The following ABCA13 variants were observed in gnomAD, a reference collection of about 807,000 sequenced individuals.
ABCA13 encodes the protein ATP binding cassette subfamily A member 13, also known as ATP-binding cassette sub-family A member 13.
A neutral mutation model predicts 478.7 loss-of-function variants in ABCA13; 476 were observed. The observed-to-expected ratio is 0.99, with a 90% CI of 0.92 to 1.07. ABCA13 has a LOEUF of 1.07. Ranked by LOEUF, ABCA13 falls within the 50% of genes least tolerant of loss-of-function variation. ABCA13 has a pLI of 0.00. For synonymous variants in ABCA13, 2,252 were observed against 2,158.9 expected (o/e 1.04, Z -1.20); for missense variants, 6,060 against 5,910.6 (o/e 1.03, Z -0.83).
intron 29 of ABCA13, among the ~76,000 whole-genome samples, chr7:48,348,165 A>C (rs968596234): frequency 6.6e-6 from 1 of 152,118 alleles, no homozygotes; most frequent in Non-Finnish European, 1.5e-5. Context: ...ACTGCTAGCC[A>C]CCCTCTAATC....
At chr7:48,507,600 G>T (rs187550915) in intron 49 of ABCA13, among the ~76,000 whole-genome samples, 2 of 152,264 alleles carry the variant, frequency 1.3e-5, no homozygotes, top group Admixed American at 6.5e-5. Flanking sequence ...AGGCTCAATG[G>T]TGAAGAGCAG....
At chr7:48,323,788 C>T (rs927646460) in intron 27 of ABCA13, among the ~76,000 whole-genome samples, 1 of 152,140 alleles carries the variant, frequency 6.6e-6, no homozygotes. Flanking sequence ...TTGCCATAAT[C>T]CCCACGTGTC....
intron 8 of ABCA13, among the ~76,000 whole-genome samples, chr7:48,236,346 T>G (rs1789948961): frequency 6.6e-6 from 1 of 152,234 alleles, no homozygotes; most frequent in South Asian, 2.1e-4. Flanking sequence ...TAAATTTTCT[T>G]TATAAATCTA....
Position 48,594,699 on chromosome 7 carries a change from C to G in ABCA13, c.14641-11C>G. 1 of 1,611,930 alleles carries G rather than the reference C, an allele frequency of 6.2e-7. No homozygotes were observed. ...TCAAATGCTGATTACTCTGTGTTGCCTTTCCTTCAGGATGAGCCCAGCTCT... is the reference window on the plus strand; with the variant it reads ...TCAAATGCTGATTACTCTGTGTTGCGTTTCCTTCAGGATGAGCCCAGCTCT... On this transcript the variant is annotated splice_polypyrimidine_tract_variant and intron_variant, in intron 57 of 61. Coordinates refer to ENST00000435803, the MANE Select transcript of ABCA13 (RefSeq NM_152701.5).
chr7:48,643,441 A>AG, intron 60 of ABCA13, 48 bp downstream of exon 60: 1 of 1,425,410 alleles, frequency 7.0e-7, no homozygotes. Context: ...CTAAAAAAAA[A>AG]TAATAAATGT....
intron 59 of ABCA13, among the ~76,000 whole-genome samples, chr7:48,618,670 G>A (rs1170214225): frequency 6.6e-6 from 1 of 152,098 alleles, no homozygotes; most frequent in Non-Finnish European, 1.5e-5. Context: ...AGCAGGCCTA[G>A]GATCTGCTAC....
intron 49 of ABCA13, 118 bp from the exon 50 acceptor site, chr7:48,507,754 G>C: frequency 8.2e-7 from 1 of 1,219,908 alleles, no homozygotes; most frequent in Non-Finnish European, 1.1e-6. Flanking sequence ...AACATGCCTG[G>C]CTGATTATGA....
chr7:48,180,497 T>G (rs1398664342), intron 1 of ABCA13, among the ~76,000 whole-genome samples: 1 of 152,222 alleles, frequency 6.6e-6, no homozygotes, highest in Non-Finnish European at 1.5e-5. Context: ...CTCAGCTTAC[T>G]GCAGCCTCCG....
rs377432396 is a variant in ABCA13 at position 48,314,418 on chromosome 7, G to A, written c.9859+9G>A. The A allele has an allele frequency of 1.1e-4, 172 of 1,556,996 alleles. No individual in the cohort carries two copies. The highest frequency in any genetic ancestry group is 1.4e-4 in the Non-Finnish European group (160 of 1,148,662). ...CATTCCTGAAGATTCAAGTAAGACA[G>A]TAGTAATATATATATATGTGTTTAG... On this transcript the variant is annotated intron_variant, in intron 26 of 61. Transcript: ENST00000435803.
intron 3 of ABCA13, among the ~76,000 whole-genome samples, chr7:48,211,009 A>G (rs1426930532): frequency 6.6e-6 from 1 of 152,144 alleles, no homozygotes. Flanking sequence ...CTTTTTATAT[A>G]TGGATGCTCC....
At chr7:48,371,282 A>G (rs1411932366) in intron 32 of ABCA13, among the ~76,000 whole-genome samples, 1 of 152,046 alleles carries the variant, frequency 6.6e-6, no homozygotes, top group African/African-American at 2.4e-5. Flanking sequence ...TTGGTTCCAT[A>G]TGAATTTTAA....
Position 48,455,047 on chromosome 7 carries a change from A to C in ABCA13, c.12576A>C (p.Leu4192=). 6.6e-7 allele frequency: 1 copy of C among 1,522,286 alleles called. No individual in the cohort carries two copies. Among genetic ancestry groups the C allele is most frequent in the Non-Finnish European group, 8.8e-7 (1 of 1,136,702 alleles). The allele number at this position is 1,522,286 out of a possible 1,614,324, so 94.3% of individuals were successfully genotyped here. A position where few individuals can be genotyped will look rare whatever the true frequency, so the allele number is the denominator to read the frequency against. ...TGHLSGYCGS[L]ARPATVQGVQ... Reference sequence around the variant, plus strand: ...CCGCCCGTCCTGCAGGTGGCTCCCTAGCACGGCCCGCAACTGTGCAGGGCG... The same window carrying C: ...CCGCCCGTCCTGCAGGTGGCTCCCTCGCACGGCCCGCAACTGTGCAGGGCG... Residue 4192 remains leucine, a synonymous_variant, in exon 43 of 62, where the codon CTA becomes CTC. Coordinates refer to ENST00000435803, the MANE Select transcript of ABCA13 (RefSeq NM_152701.5).
Position 48,483,206 on chromosome 7 carries a change from T to C in ABCA13, c.13182+43T>C, listed in dbSNP as rs371091996. ...TTTTTTTCCTGTTTTAGAAAGTATT[T>C]AGGAAAACTCAACATTCAAATATAA... On this transcript the variant is annotated intron_variant, in intron 47 of 61. Transcript: ENST00000435803. The C allele has an allele frequency of 9.3e-5, 140 of 1,511,932 alleles. No individual in the cohort carries two copies. In the African/African-American group the frequency reaches 1.7e-3, roughly 19 times the overall value. 93.7% of individuals were successfully genotyped at this position (1,511,932 alleles called of 1,614,324 possible). A position where few individuals can be genotyped will look rare whatever the true frequency, so the allele number is the denominator to read the frequency against.
At chr7:48,489,017 T>C (rs993756490) in intron 47 of ABCA13, among the ~76,000 whole-genome samples, 4 of 152,190 alleles carry the variant, frequency 2.6e-5, no homozygotes, top group Non-Finnish European at 5.9e-5. Flanking sequence ...GGAAAATTAA[T>C]CTATTTTTAG....
chr7:48,319,342 TG>T (rs1476014803), intron 27 of ABCA13, among the ~76,000 whole-genome samples: 12 of 152,382 alleles, frequency 7.9e-5, no homozygotes, highest in South Asian at 2.1e-4. Context: ...GCAGGTATCC[TG>T]GTTTTGCACT....
At chr7:48,583,823 A>G (rs893885739) in intron 56 of ABCA13, among the ~76,000 whole-genome samples, 1 of 152,260 alleles carries the variant, frequency 6.6e-6, no homozygotes, top group Non-Finnish European at 1.5e-5. Context: ...AAAAGACTAC[A>G]GCAAAATACT....
At position 48,252,572 on chromosome 7, in the gene ABCA13, A is replaced by G. The variant is rs186460098; in HGVS notation, c.2005+3221A>G. ...AGTAAGTATTTGTGTATTTAAGCCT[A>G]TATAACAGAAAGGTAAGGTAAAAAT... On this transcript the variant is annotated intron_variant, in intron 15 of 61. Transcript: ENST00000435803. 2.4e-3 allele frequency among the ~76,000 whole-genome samples: 364 copies of G among 152,330 alleles called. 3 individuals are homozygous for G. The highest frequency in any genetic ancestry group is 8.3e-3 in the African/African-American group (346 of 41,588).
At chr7:48,447,853 G>A (rs1469953301) in intron 42 of ABCA13, among the ~76,000 whole-genome samples, 2 of 152,178 alleles carry the variant, frequency 1.3e-5, no homozygotes, top group South Asian at 2.1e-4. Flanking sequence ...TGGTTTCAAG[G>A]ACCTCAGCGC....
At chr7:48,266,046 T>C (rs1263413148) in intron 15 of ABCA13, among the ~76,000 whole-genome samples, 1 of 151,764 alleles carries the variant, frequency 6.6e-6, no homozygotes, top group African/African-American at 2.4e-5. Context: ...ATTTAGTTTT[T>C]GTAAAAATTC....
Sources: gnomAD v4.1 joint callset for allele counts (sites outside exome capture counted in the v4.1 genomes callset) on GRCh38, gnomAD v4.1.1 for gene constraint, MANE v1.5 for transcripts, NCBI Gene and HGNC (gene_info 2026-07-23, HGNC 2026-07-21) for gene names.